The following MEOX2 variants were observed in gnomAD, a reference collection of about 807,000 sequenced individuals.
The protein encoded by MEOX2 is mesenchyme homeobox 2.
In MEOX2, 11 loss-of-function variants were observed where a neutral mutation model predicts 27.0. The observed-to-expected ratio is 0.41, with a 90% CI of 0.26 to 0.68. The LOEUF (loss-of-function observed/expected upper bound fraction) is 0.68, where lower values mean the gene tolerates loss of function less well. MEOX2 is among the 30% of genes least tolerant of loss of function. The pLI, the probability that MEOX2 is intolerant of heterozygous loss-of-function variation, is 0.33. For missense variants in MEOX2, 436 were observed against 385.4 expected, an observed-to-expected ratio of 1.13 and a Z score of -1.10; for synonymous variants, 189 against 155.4, an observed-to-expected ratio of 1.22 and a Z score of -1.61.
chr7:15,642,659 C>T (rs999811635), intron 1 of MEOX2, among the ~76,000 whole-genome samples: 4 of 152,234 alleles, frequency 2.6e-5, no homozygotes, highest in Non-Finnish European at 5.9e-5. Context: ...TAACATGGTC[C>T]TTTGAGGGTG....
chr7:15,681,817 C>T (rs1405036094), intron 1 of MEOX2: 3 of 151,544 alleles, frequency 2.0e-5, no homozygotes, highest in South Asian at 2.1e-4. Context: ...TTTCTAAGCC[C>T]GGTGAAAGTT....
At chr7:15,620,547 T>G (rs1325887407) in intron 2 of MEOX2, among the ~76,000 whole-genome samples, 1 of 151,698 alleles carries the variant, frequency 6.6e-6, no homozygotes, top group Non-Finnish European at 1.5e-5. Flanking sequence ...CACTCCAGCC[T>G]GGGTGACAAA....
At chr7:15,667,432 G>C (rs1782027640) in intron 1 of MEOX2, among the ~76,000 whole-genome samples, 1 of 151,580 alleles carries the variant, frequency 6.6e-6, no homozygotes, top group East Asian at 2.0e-4. Flanking sequence ...GTCACAGATT[G>C]TCACCATTTG....
At chr7:15,654,267 T>C (rs1781786040) in intron 1 of MEOX2, among the ~76,000 whole-genome samples, 1 of 151,950 alleles carries the variant, frequency 6.6e-6, no homozygotes, top group African/African-American at 2.4e-5. Context: ...TCCACTACTT[T>C]TCTGTACTCA....
In MEOX2 at chr7:15,625,141, T is replaced by C. The variant is rs1166636014; in HGVS notation, c.690+1605A>G. 3.3e-5 allele frequency among the ~76,000 whole-genome samples: 5 copies of C among 152,230 alleles called. No individual in the cohort carries two copies. In the East Asian group the frequency reaches 9.6e-4, roughly 29 times the overall value. Reference sequence around the variant, plus strand: ...AAATCCTAGTTTCCTAGTTCCTTCATCTACTATATAAAACACGGTTGCATT... The same window carrying C: ...AAATCCTAGTTTCCTAGTTCCTTCACCTACTATATAAAACACGGTTGCATT... On this transcript the variant is annotated intron_variant, in intron 2 of 2. Coordinates refer to ENST00000262041, the MANE Select transcript of MEOX2 (RefSeq NM_005924.5).
At chr7:15,661,565 A>T (rs1397896983) in intron 1 of MEOX2, among the ~76,000 whole-genome samples, 1 of 152,184 alleles carries the variant, frequency 6.6e-6, no homozygotes, top group Non-Finnish European at 1.5e-5. Context: ...TGAATGACTG[A>T]AGGAGTGGGG....
At chr7:15,620,535 T>C (rs1038058829) in intron 2 of MEOX2, among the ~76,000 whole-genome samples, 2 of 151,964 alleles carry the variant, frequency 1.3e-5, no homozygotes, top group African/African-American at 4.8e-5. Flanking sequence ...ATCAAGCCAC[T>C]GCACTCCAGC....
intron 2 of MEOX2, among the ~76,000 whole-genome samples, chr7:15,625,779 A>G (rs566300596): frequency 6.6e-6 from 1 of 152,232 alleles, no homozygotes; most frequent in Non-Finnish European, 1.5e-5. Flanking sequence ...CAGGGAAACA[A>G]GAATCTGTAC....
chr7:15,638,976 C>T (rs1383915669), intron 1 of MEOX2, among the ~76,000 whole-genome samples: 1 of 151,966 alleles, frequency 6.6e-6, no homozygotes. Context: ...TACAATTATT[C>T]CTTTCCCTTT....
At chr7:15,670,212 T>A (rs1474480921) in intron 1 of MEOX2, among the ~76,000 whole-genome samples, 3 of 152,252 alleles carry the variant, frequency 2.0e-5, no homozygotes, top group Admixed American at 2.0e-4. Context: ...ATGTGCATTA[T>A]GTTTAATAAT....
chr7:15,630,540 A>AAAATG (rs1421700264), intron 1 of MEOX2, among the ~76,000 whole-genome samples: 1 of 152,068 alleles, frequency 6.6e-6, no homozygotes, highest in Non-Finnish European at 1.5e-5. Context: ...GTAAAATATC[A>AAAATG]AAATGGAATG....
chr7:15,616,431 A>G (rs1163251186), intron 2 of MEOX2, among the ~76,000 whole-genome samples: 1 of 151,828 alleles, frequency 6.6e-6, no homozygotes, highest in Non-Finnish European at 1.5e-5. Flanking sequence ...TATTAGCATC[A>G]CGGTATTAGC....
At chr7:15,648,517 G>T (rs1036452808) in intron 1 of MEOX2, among the ~76,000 whole-genome samples, 1 of 152,042 alleles carries the variant, frequency 6.6e-6, no homozygotes, top group Non-Finnish European at 1.5e-5. Context: ...GGAAAGGATA[G>T]CAGGCCGGAG....
intron 1 of MEOX2, among the ~76,000 whole-genome samples, chr7:15,649,876 G>A (rs1000252914): frequency 6.6e-6 from 1 of 152,080 alleles, no homozygotes; most frequent in Non-Finnish European, 1.5e-5. Context: ...TTGCCCTGCA[G>A]AGAGCTTATA....
In MEOX2 at chr7:15,654,640, G is replaced by A. The variant is rs191918776; in HGVS notation, c.518-27722C>T. ...TTGAAATTTGTCAAATATTTCTTCC[G>A]CCACCAACTGGTTTAATCATGAGAA... On this transcript the variant is annotated intron_variant, in intron 1 of 2. Transcript: ENST00000262041. 1.1e-3 allele frequency among the ~76,000 whole-genome samples: 174 copies of A among 151,684 alleles called. 1 individual carries two copies. The highest frequency in any genetic ancestry group is 4.1e-3 in the African/African-American group (168 of 41,446).
chr7:15,677,935 G>A (rs1448290102), intron 1 of MEOX2, among the ~76,000 whole-genome samples: 1 of 152,144 alleles, frequency 6.6e-6, no homozygotes, highest in Non-Finnish European at 1.5e-5. Flanking sequence ...GGGTATTCTA[G>A]AAAATAAATT....
intron 2 of MEOX2, among the ~76,000 whole-genome samples, chr7:15,620,786 T>C (rs1469662782): frequency 6.6e-6 from 1 of 152,222 alleles, no homozygotes; most frequent in East Asian, 1.9e-4. Flanking sequence ...GGATTTTCCA[T>C]TTATCTTGGC....
chr7:15,636,871 G>A (rs982644249), intron 1 of MEOX2, among the ~76,000 whole-genome samples: 2 of 151,968 alleles, frequency 1.3e-5, no homozygotes, highest in Non-Finnish European at 2.9e-5. Flanking sequence ...GCAAAAGAGC[G>A]TGATCCCATT....
chr7:15,628,598 T>C (rs1376762716), intron 1 of MEOX2, among the ~76,000 whole-genome samples: 2 of 152,136 alleles, frequency 1.3e-5, no homozygotes, highest in East Asian at 3.9e-4. Context: ...TGACATGTCA[T>C]GCACAGGTTG....
Sources: allele counts gnomAD v4.1 joint callset (sites outside exome capture counted in the v4.1 genomes callset), GRCh38; gene constraint gnomAD v4.1.1; transcripts MANE v1.5; gene names NCBI Gene and HGNC (gene_info 2026-07-23, HGNC 2026-07-21).